The following CIMAP1A variants were observed in gnomAD, a reference collection of about 807,000 sequenced individuals.
The protein encoded by CIMAP1A is cancer/testis antigen 135.
chr11:198,517 G>A, the CIMAP1A span: 2 of 1,613,140 alleles, frequency 1.2e-6, no homozygotes, highest in South Asian at 2.2e-5. Flanking sequence ...CGTCGGCAAG[G>A]CCTCCCAGCC....
chr11:198,193 G>A, the CIMAP1A span: 2 of 1,613,106 alleles, frequency 1.2e-6, no homozygotes, highest in Admixed American at 1.7e-5. Context: ...TTGGCTCCTT[G>A]TCCAGGTGAC....
chr11:198,408 C>A, the CIMAP1A span: 1 of 1,613,100 alleles, frequency 6.2e-7, no homozygotes, highest in Admixed American at 1.7e-5. Context: ...GGGGAGAGCC[C>A]CAGGGAAGGA....
the CIMAP1A span, chr11:199,345 G>C: frequency 2.6e-6 from 4 of 1,558,166 alleles, no homozygotes; most frequent in South Asian, 4.7e-5. Flanking sequence ...GGCCGAGTTG[G>C]TCTGAGCCTC....
the CIMAP1A span, chr11:199,401 T>A: frequency 4.4e-6 from 7 of 1,575,528 alleles, no homozygotes; most frequent in South Asian, 8.1e-5. Flanking sequence ...GCCAAACTGA[T>A]GTGCGGGTGA....
At chr11:198,555 G>A in the CIMAP1A span, 1 of 1,611,286 alleles carries the variant, frequency 6.2e-7, no homozygotes, top group Non-Finnish European at 8.5e-7. Context: ...GCCGCAGCAA[G>A]CTGGGCGGCT....
chr11:199,662 T>TGGGGTGGGGGGGGG, the CIMAP1A span: 1 of 227,660 alleles, frequency 4.4e-6, no homozygotes. Flanking sequence ...GGTGGAGGGG[T>TGGGGTGGGGGGGGG]GGGGTGGGGA....
chr11:199,533 G>C, the CIMAP1A span: 28 of 1,548,670 alleles, frequency 1.8e-5, no homozygotes, highest in Non-Finnish European at 2.4e-5. Context: ...ACAGCTCAGA[G>C]GGGTCAGGGT....
chr11:199,940 C>A, the CIMAP1A span: 2 of 1,613,982 alleles, frequency 1.2e-6, no homozygotes, highest in Non-Finnish European at 1.7e-6. Flanking sequence ...CCCTCCTCTC[C>A]CAGGTGACCC....
chr11:199,682 C>A, the CIMAP1A span: 1 of 1,435,564 alleles, frequency 7.0e-7, no homozygotes, highest in Non-Finnish European at 9.1e-7. Context: ...ATGGGAGGCA[C>A]CTGCACCCTG....
chr11:197,614 G>A, the CIMAP1A span: 7 of 1,613,478 alleles, frequency 4.3e-6, no homozygotes, highest in Non-Finnish European at 5.1e-6. Flanking sequence ...CAGCTTCCGT[G>A]GGGCCCCCAT....
At chr11:197,946 T>C in the CIMAP1A span, 1 of 1,513,074 alleles carries the variant, frequency 6.6e-7, no homozygotes, top group Non-Finnish European at 8.8e-7. Flanking sequence ...GGCCCAAGAG[T>C]CCAGCTCCGA....
chr11:199,868 C>A, the CIMAP1A span: 3 of 1,568,154 alleles, frequency 1.9e-6, no homozygotes, highest in African/African-American at 1.4e-5. Context: ...AGGACAGCAG[C>A]CCAGCCCCAG....
the CIMAP1A span, chr11:198,304 C>T: frequency 5.6e-6 from 9 of 1,613,766 alleles, no homozygotes; most frequent in South Asian, 3.3e-5. Flanking sequence ...ACCCCAGGTC[C>T]GCAGCAGCCC....
the CIMAP1A span, chr11:199,462 G>T: frequency 1.9e-6 from 3 of 1,563,148 alleles, no homozygotes; most frequent in Non-Finnish European, 2.6e-6. Flanking sequence ...GGAGCCCCCA[G>T]GGGACAAGAC....
the CIMAP1A span, chr11:199,323 A>T: frequency 6.5e-7 from 1 of 1,550,310 alleles, no homozygotes; most frequent in African/African-American, 1.4e-5. Flanking sequence ...CTAGGGCCAC[A>T]CGCCCTGGGT....
chr11:199,804 C>G, the CIMAP1A span: 11 of 1,458,246 alleles, frequency 7.5e-6, no homozygotes, highest in Admixed American at 2.3e-4. Flanking sequence ...GCTGAGTGCT[C>G]TGTGTTCAAA....
chr11:197,074 A>G, the CIMAP1A span: 1 of 414,496 alleles, frequency 2.4e-6, no homozygotes, highest in Non-Finnish European at 4.3e-6. Context: ...ATGGACAGCA[A>G]CTCTGGGTTA....
At chr11:199,157 G>C in the CIMAP1A span, 1 of 1,414,914 alleles carries the variant, frequency 7.1e-7, no homozygotes, top group African/African-American at 1.4e-5. Context: ...GCCAGCGTGA[G>C]GCTGAAATGG....
At chr11:199,179 C>G in the CIMAP1A span, 1 of 1,425,322 alleles carries the variant, frequency 7.0e-7, no homozygotes, top group Non-Finnish European at 9.2e-7. Flanking sequence ...GGAAGTGACC[C>G]CCACATGAGG....
Sources: gnomAD v4.1 joint callset for allele counts on GRCh38, gnomAD v4.1.1 for gene constraint, MANE v1.5 for transcripts, NCBI Gene and HGNC (gene_info 2026-07-23, HGNC 2026-07-21) for gene names.